CHRM3: variants seen among roughly 807,000 people sequenced by gnomAD.
CHRM3 encodes the protein cholinergic receptor muscarinic 3, also known as muscarinic acetylcholine receptor M3.
Under a neutral mutation model 41.8 loss-of-function variants are expected in CHRM3, and 11 were observed. The observed-to-expected ratio is 0.26, with a 90% CI of 0.17 to 0.44. The LOEUF is 0.44. CHRM3 is among the 20% of genes least tolerant of loss of function. The probability of loss-of-function intolerance (pLI) is 1.00; values close to 1 mark genes in which losing one functional copy is unlikely to be tolerated. For missense variants in CHRM3, 571 were observed against 745.4 expected, an observed-to-expected ratio of 0.77 and a Z score of 2.72; for synonymous variants, 297 against 301.4, an observed-to-expected ratio of 0.99 and a Z score of 0.15.
Position 239,908,735 on chromosome 1 carries a change from C to A in CHRM3, c.1284C>A (p.Pro428=), listed in dbSNP as rs778309658. Residue 428 remains proline (P), a synonymous_variant, in exon 7 of 7, where the codon CCC becomes CCA. Coordinates refer to ENST00000676153, the MANE Select transcript of CHRM3 (RefSeq NM_001375978.1). The surrounding 1 kb of genome is among the most constrained non-coding windows in gnomAD (Gnocchi z 7.2). The part of the protein sequence containing the change: ...GSFPKSFSKL[P]IQLESAVDTA... The stretch of plus-strand genomic sequence containing the variant: ...TTCCAAAAAGCTTCTCCAAGCTTCC[C>A]ATCCAGCTAGAGTCAGCCGTGGACA... 2.5e-6 allele frequency: 4 copies of A among 1,613,688 alleles called. No individual in the cohort carries two copies. Among genetic ancestry groups the A allele is most frequent in the Non-Finnish European group, 2.5e-6 (3 of 1,179,850 alleles).
At chr1:239,445,622 T>A (rs1664067938) in intron 1 of CHRM3, among the ~76,000 whole-genome samples, 1 of 152,172 alleles carries the variant, frequency 6.6e-6, no homozygotes, top group Non-Finnish European at 1.5e-5. Flanking sequence ...TCCAGGATTG[T>A]TGTAGGAATG....
intron 6 of CHRM3, among the ~76,000 whole-genome samples, chr1:239,901,621 C>A (rs1052501118): frequency 6.6e-6 from 1 of 152,186 alleles, no homozygotes; most frequent in African/African-American, 2.4e-5. Flanking sequence ...TATTTGTCAT[C>A]CCACAACTTG....
chr1:239,392,953 T>C (rs1003242531), intron 1 of CHRM3, among the ~76,000 whole-genome samples: 1 of 152,208 alleles, frequency 6.6e-6, no homozygotes, highest in Non-Finnish European at 1.5e-5. Flanking sequence ...GAGCTAGCTC[T>C]CACTTCCATT....
intron 1 of CHRM3, among the ~76,000 whole-genome samples, chr1:239,429,228 T>C (rs1662632405): frequency 6.6e-6 from 1 of 152,330 alleles, no homozygotes; most frequent in Middle Eastern, 3.4e-3. Context: ...ACAACTCTTT[T>C]GCCTGTGAAA....
chr1:239,812,726 G>A (rs896804999), intron 5 of CHRM3, among the ~76,000 whole-genome samples: 2 of 152,180 alleles, frequency 1.3e-5, no homozygotes, highest in Admixed American at 6.5e-5. Context: ...CATGGGCTGG[G>A]TGCCTACCTG....
intron 6 of CHRM3, among the ~76,000 whole-genome samples, chr1:239,890,500 A>G (rs1292300332): frequency 1.3e-5 from 2 of 152,152 alleles, no homozygotes; most frequent in African/African-American, 4.8e-5. Context: ...TACATACAAT[A>G]TTGAGAATAA....
chr1:239,655,772 A>C (rs1368168103), intron 4 of CHRM3, among the ~76,000 whole-genome samples: 4 of 152,214 alleles, frequency 2.6e-5, no homozygotes, highest in Non-Finnish European at 5.9e-5. Flanking sequence ...AAAGGCTTCC[A>C]AAGTAATGTA....
At chr1:239,712,967 C>T (rs772811063) in intron 5 of CHRM3, among the ~76,000 whole-genome samples, 1 of 152,140 alleles carries the variant, frequency 6.6e-6, no homozygotes, top group Non-Finnish European at 1.5e-5. Flanking sequence ...CAGAGATGTG[C>T]TTGGCCTTTT....
chr1:239,754,346 C>G (rs1666069769), intron 5 of CHRM3, among the ~76,000 whole-genome samples: 1 of 152,176 alleles, frequency 6.6e-6, no homozygotes, highest in South Asian at 2.1e-4. Context: ...TTTATTTTAA[C>G]CTGCATGTTT....
At chr1:239,809,151 C>A (rs1670908913) in intron 5 of CHRM3, among the ~76,000 whole-genome samples, 1 of 149,410 alleles carries the variant, frequency 6.7e-6, no homozygotes, top group Non-Finnish European at 1.5e-5. Context: ...TCCCGAGTAG[C>A]TGGGACTACA....
At chr1:239,659,526 T>C (rs1673006830) in intron 4 of CHRM3, among the ~76,000 whole-genome samples, 1 of 152,236 alleles carries the variant, frequency 6.6e-6, no homozygotes, top group South Asian at 2.1e-4. Flanking sequence ...AAAGCACAAG[T>C]CTGTCCAAGT....
At chr1:239,593,337 T>A (rs773952411) in intron 3 of CHRM3, among the ~76,000 whole-genome samples, 1 of 152,194 alleles carries the variant, frequency 6.6e-6, no homozygotes, top group African/African-American at 2.4e-5. Flanking sequence ...TTCCATTTTG[T>A]TTTTGTTTTT....
rs539289279 is a variant in CHRM3, at chr1:239,523,677, G to C, written c.-421-21964G>C. ...CACAACAGAACCAGGAACAAAAAGTGTACCCTAGGGGCATCCAATTAACAA... is the reference window on the plus strand; with the variant it reads ...CACAACAGAACCAGGAACAAAAAGTCTACCCTAGGGGCATCCAATTAACAA... On this transcript the variant is annotated intron_variant, in intron 2 of 6. Coordinates refer to ENST00000676153, the MANE Select transcript of CHRM3 (RefSeq NM_001375978.1). 5.9e-5 allele frequency among the ~76,000 whole-genome samples: 9 copies of C among 152,222 alleles called. No homozygotes were observed. The South Asian group carries it at 1.9e-3, about 32-fold the overall frequency.
chr1:239,457,020 C>T (rs1459796186), intron 1 of CHRM3, among the ~76,000 whole-genome samples: 1 of 152,188 alleles, frequency 6.6e-6, no homozygotes, highest in African/African-American at 2.4e-5. Flanking sequence ...CATTCCAGTT[C>T]TGAGGGAAAG....
intron 4 of CHRM3, among the ~76,000 whole-genome samples, chr1:239,637,048 G>T (rs914801648): frequency 6.6e-6 from 1 of 152,098 alleles, no homozygotes; most frequent in African/African-American, 2.4e-5. Flanking sequence ...AAAAGTATTG[G>T]GAGGAATAGT....
chr1:239,600,242 A>C (rs1284413624), intron 3 of CHRM3, among the ~76,000 whole-genome samples: 1 of 151,976 alleles, frequency 6.6e-6, no homozygotes, highest in Non-Finnish European at 1.5e-5. Context: ...TGACCATGTC[A>C]GTAGTCATGT....
At chr1:239,635,370 G>T (rs561614010) in intron 4 of CHRM3, among the ~76,000 whole-genome samples, 41 of 152,278 alleles carry the variant, frequency 2.7e-4, no homozygotes, top group African/African-American at 9.6e-4. Flanking sequence ...GATATGATCT[G>T]GTTTCTACTT....
intron 3 of CHRM3, among the ~76,000 whole-genome samples, chr1:239,576,592 A>ATG (rs1553331587): frequency 4.9e-4 from 40 of 81,158 alleles, no homozygotes; most frequent in Non-Finnish European, 8.2e-4. Flanking sequence ...ACACACACAC[A>ATG]CGCACACACA....
chr1:239,900,278 CTT>C (rs71667104), intron 6 of CHRM3, among the ~76,000 whole-genome samples: 55,764 of 151,680 alleles, frequency 0.37, 11,472 homozygotes, highest in African/African-American at 0.57. Flanking sequence ...GACCTACAGT[CTT>C]GATTCTCAGG....
Sources: gnomAD v4.1 joint callset for allele counts (sites outside exome capture counted in the v4.1 genomes callset) on GRCh38, gnomAD v4.1.1 for gene constraint, Gnocchi (gnomAD v3.1) non-coding constraint, MANE v1.5 for transcripts, NCBI Gene and HGNC (gene_info 2026-07-23, HGNC 2026-07-21) for gene names.